Variants in RASGRP3 observed in about 807,000 individuals in gnomAD.
The protein encoded by RASGRP3 is RAS guanyl releasing protein 3.
A neutral mutation model predicts 82.7 loss-of-function variants in RASGRP3; 54 were observed. The ratio of observed to expected loss-of-function variants is 0.65; its 90% CI spans 0.52 to 0.82. The LOEUF is 0.82. Among genes scored for constraint, RASGRP3 ranks in the 40% least tolerant of loss-of-function variants. The probability of loss-of-function intolerance (pLI) is 0.00; values close to 1 mark genes in which losing one functional copy is unlikely to be tolerated. For missense variants in RASGRP3, 861 were observed against 828.9 expected (o/e 1.04, Z -0.48); for synonymous variants, 309 against 300.5 (o/e 1.03, Z -0.29).
intron 10 of RASGRP3, among the ~76,000 whole-genome samples, chr2:33,529,826 G>A (rs1177372884): frequency 2.0e-5 from 3 of 150,826 alleles, no homozygotes; most frequent in Non-Finnish European, 4.4e-5. Context: ...GATTCTAGAT[G>A]TAAGAACCAG....
intron 1 of RASGRP3, among the ~76,000 whole-genome samples, chr2:33,495,707 C>A (rs930227582): frequency 1.3e-5 from 2 of 152,162 alleles, no homozygotes; most frequent in Non-Finnish European, 2.9e-5. Flanking sequence ...GTCAGGGAAA[C>A]ATAATGAGAC....
chr2:33,512,507 C>G (rs1321947539), intron 2 of RASGRP3, among the ~76,000 whole-genome samples: 3 of 152,158 alleles, frequency 2.0e-5, no homozygotes, highest in Non-Finnish European at 4.4e-5. Flanking sequence ...CAGAGAAGTT[C>G]TGCCCCAGAA....
chr2:33,438,770 T>C (rs1242878252), intron 1 of RASGRP3, among the ~76,000 whole-genome samples: 1 of 152,216 alleles, frequency 6.6e-6, no homozygotes, highest in Non-Finnish European at 1.5e-5. Flanking sequence ...TGTATTGCCT[T>C]ATTTCCAGAG....
At chr2:33,546,129 A>C (rs1674715341) in intron 13 of RASGRP3, among the ~76,000 whole-genome samples, 1 of 151,622 alleles carries the variant, frequency 6.6e-6, no homozygotes, top group Non-Finnish European at 1.5e-5. Flanking sequence ...TATTACTAGA[A>C]AGTCTAAAAA....
intron 2 of RASGRP3, among the ~76,000 whole-genome samples, chr2:33,449,562 C>T (rs1243120990): frequency 6.6e-6 from 1 of 152,094 alleles, no homozygotes; most frequent in South Asian, 2.1e-4. Flanking sequence ...GAGATTGAGA[C>T]CATTGTGGCC....
At chr2:33,442,666 C>G (rs1665289362) in intron 1 of RASGRP3, among the ~76,000 whole-genome samples, 1 of 152,200 alleles carries the variant, frequency 6.6e-6, no homozygotes, top group African/African-American at 2.4e-5. Flanking sequence ...CTGCATTCAT[C>G]AGCAGCAGGA....
intron 13 of RASGRP3, 65 bp downstream of exon 13, chr2:33,543,692 G>A: frequency 8.6e-7 from 1 of 1,162,070 alleles, no homozygotes; most frequent in Non-Finnish European, 1.2e-6. Flanking sequence ...TATCAGAGGA[G>A]AGAAGGGAAA....
upstream of RASGRP3, among the ~76,000 whole-genome samples, chr2:33,475,207 G>C (rs1392913018): frequency 2.6e-5 from 4 of 152,198 alleles, no homozygotes; most frequent in Non-Finnish European, 2.9e-5. Context: ...GAAATGCTGA[G>C]GAAGGGATTT....
intron 17 of RASGRP3, chr2:33,559,778 T>C (rs1220780520): frequency 7.6e-6 from 3 of 396,112 alleles, no homozygotes; most frequent in Non-Finnish European, 1.5e-5. Flanking sequence ...AAACAGAATA[T>C]TGGGTTAGGC....
At chr2:33,548,373 A>G (rs1320069095) in intron 13 of RASGRP3, among the ~76,000 whole-genome samples, 1 of 149,814 alleles carries the variant, frequency 6.7e-6, no homozygotes, top group East Asian at 1.9e-4. Context: ...AAAAAAAAAA[A>G]AAAAAAAAAA....
intron 2 of RASGRP3, among the ~76,000 whole-genome samples, chr2:33,471,001 G>C (rs550954767): frequency 6.6e-6 from 1 of 152,212 alleles, no homozygotes; most frequent in South Asian, 2.1e-4. Context: ...TAGTGATAAT[G>C]AGCATGCTTT....
At chr2:33,534,510 A>G (rs1184158700) in intron 11 of RASGRP3, 110 bp downstream of exon 11, 2 of 768,464 alleles carry the variant, frequency 2.6e-6, no homozygotes, top group Non-Finnish European at 4.2e-6. Context: ...GAATTTTAAA[A>G]ATTGACATTA....
At chr2:33,496,799 G>C (rs6719953) in intron 1 of RASGRP3, among the ~76,000 whole-genome samples, 7 of 152,320 alleles carry the variant, frequency 4.6e-5, no homozygotes, top group African/African-American at 1.4e-4. Context: ...AGAGGTTGCA[G>C]TGAGCCAAGA....
At chr2:33,551,693 TAAC>T (rs1374388773) in intron 14 of RASGRP3, among the ~76,000 whole-genome samples, 1 of 151,136 alleles carries the variant, frequency 6.6e-6, no homozygotes, top group Non-Finnish European at 1.5e-5. Context: ...AATATAATAA[TAAC>T]AATAATAAAA....
At chr2:33,441,161 C>T (rs561663514) in intron 1 of RASGRP3, among the ~76,000 whole-genome samples, 24 of 152,214 alleles carry the variant, frequency 1.6e-4, no homozygotes, top group African/African-American at 4.8e-4. Flanking sequence ...TGAAGTGCTG[C>T]GATTACAGGC....
intron 13 of RASGRP3, among the ~76,000 whole-genome samples, chr2:33,544,125 C>T (rs111226834): frequency 5.3e-4 from 80 of 152,072 alleles, no homozygotes; most frequent in African/African-American, 1.8e-3. Context: ...ACCAGCCTGG[C>T]CAACATGGTG....
chr2:33,506,760 G>A (rs1410561316), intron 1 of RASGRP3, among the ~76,000 whole-genome samples: 1 of 152,140 alleles, frequency 6.6e-6, no homozygotes, highest in Non-Finnish European at 1.5e-5. Context: ...CCTTCCTACT[G>A]TCATTGTTAA....
intron 13 of RASGRP3, among the ~76,000 whole-genome samples, chr2:33,544,020 T>A (rs1022009353): frequency 1.4e-4 from 21 of 152,126 alleles, no homozygotes; most frequent in Non-Finnish European, 2.4e-4. Flanking sequence ...ATGAAGATTT[T>A]AAAAAAATTT....
intron 1 of RASGRP3, among the ~76,000 whole-genome samples, chr2:33,508,017 A>G (rs1670556164): frequency 6.6e-6 from 1 of 152,222 alleles, no homozygotes; most frequent in Non-Finnish European, 1.5e-5. Flanking sequence ...TTCTTTTGAA[A>G]ATAGATTCAG....
Sources: allele counts gnomAD v4.1 joint callset (sites outside exome capture counted in the v4.1 genomes callset), GRCh38; gene constraint gnomAD v4.1.1; transcripts MANE v1.5; gene names NCBI Gene and HGNC (gene_info 2026-07-23, HGNC 2026-07-21).